The following ANKRD30BL variants were observed in gnomAD, a reference collection of about 807,000 sequenced individuals.
ANKRD30BL encodes ankyrin repeat domain 30B like.
Under a neutral mutation model 18.4 loss-of-function variants are expected in ANKRD30BL, and 20 were observed. That is an observed-to-expected ratio of 1.09 (90% CI 0.77 to 1.58). The LOEUF (loss-of-function observed/expected upper bound fraction) is 1.58, where lower values mean the gene tolerates loss of function less well. Among genes scored for constraint, ANKRD30BL ranks in the 40% most tolerant of loss-of-function variants. The pLI is 0.00. For synonymous variants in ANKRD30BL, 72 were observed against 100.9 expected (o/e 0.71, Z 1.72); for missense variants, 224 against 268.6 (o/e 0.83, Z 1.16).
At chr2:132,198,228 T>TC (rs1171218931) in intron 1 of ANKRD30BL, among the ~76,000 whole-genome samples, 1 of 151,446 alleles carries the variant, frequency 6.6e-6, no homozygotes, top group Non-Finnish European at 1.5e-5. Flanking sequence ...GCTTAGTCTC[T>TC]CTTTTTCTCT....
At chr2:132,214,434 C>T (rs1679437382) in intron 1 of ANKRD30BL, among the ~76,000 whole-genome samples, 1 of 151,954 alleles carries the variant, frequency 6.6e-6, no homozygotes. Flanking sequence ...TGGAAACACT[C>T]TTTTTGTAGA....
chr2:132,239,629 C>T lies in ANKRD30BL; in HGVS notation n.441+17900G>A, dbSNP rs536987440. On this transcript the variant is annotated intron_variant and non_coding_transcript_variant, in intron 1 of 4. Coordinates refer to the ANKRD30BL transcript ENST00000470729. ...ATAGCTTTGAGAATTTCGTTAGAAACGGGATTATCTTCACATAAAAACTAG... is the reference window on the plus strand; with the variant it reads ...ATAGCTTTGAGAATTTCGTTAGAAATGGGATTATCTTCACATAAAAACTAG... 2.8e-3 allele frequency among the ~76,000 whole-genome samples: 421 copies of T among 151,542 alleles called. 1 individual carries two copies. Among genetic ancestry groups the T allele is most frequent in the African/African-American group, 9.2e-3 (380 of 41,418 alleles).
chr2:132,162,983 C>T (rs1341418554), upstream of ANKRD30BL, among the ~76,000 whole-genome samples: 3 of 152,306 alleles, frequency 2.0e-5, no homozygotes, highest in Admixed American at 2.0e-4. Flanking sequence ...TGAGAGCGCC[C>T]GCTGCCAGGC....
At chr2:132,196,449 G>A (rs529866584) in intron 1 of ANKRD30BL, among the ~76,000 whole-genome samples, 16,807 of 150,832 alleles carry the variant, frequency 0.11, 3,075 homozygotes, top group African/African-American at 0.38. Flanking sequence ...GACTCTGGGG[G>A]AAAAAAAAAG....
intron 1 of ANKRD30BL, among the ~76,000 whole-genome samples, chr2:132,222,712 G>A (rs1312370623): frequency 6.6e-6 from 1 of 151,544 alleles, no homozygotes; most frequent in African/African-American, 2.4e-5. Context: ...AGGCCGCAGG[G>A]TCCTCTGCCT....
At chr2:132,222,368 A>T (rs977178058) in intron 1 of ANKRD30BL, among the ~76,000 whole-genome samples, 2 of 152,136 alleles carry the variant, frequency 1.3e-5, no homozygotes, top group Non-Finnish European at 2.9e-5. Context: ...GGCCATGATG[A>T]CAATGGCGGT....
chr2:132,167,190 A>C (rs960155505), intron 1 of ANKRD30BL, among the ~76,000 whole-genome samples: 1 of 151,732 alleles, frequency 6.6e-6, no homozygotes, highest in Non-Finnish European at 1.5e-5. Flanking sequence ...ATGGCCCATA[A>C]TGCAGTGTGT....
chr2:132,229,918 G>A (rs1011635116), intron 1 of ANKRD30BL, among the ~76,000 whole-genome samples: 5 of 151,984 alleles, frequency 3.3e-5, no homozygotes, highest in African/African-American at 1.2e-4. Context: ...ATCTGCAAGT[G>A]GATATTTGGA....
intron 1 of ANKRD30BL, among the ~76,000 whole-genome samples, chr2:132,168,908 AAC>A (rs1438503311): frequency 4.2e-4 from 61 of 144,490 alleles, no homozygotes; most frequent in African/African-American, 1.4e-3. Flanking sequence ...AAGAAAAAAA[AAC>A]ATTTGTACAG....
intron 1 of ANKRD30BL, among the ~76,000 whole-genome samples, chr2:132,234,866 A>G (rs201002680): frequency 3.9e-5 from 6 of 152,096 alleles, no homozygotes; most frequent in Non-Finnish European, 7.4e-5. Flanking sequence ...TACCAAAGCC[A>G]GGCAGAGACA....
chr2:132,161,721 C>G lies in ANKRD30BL; in HGVS notation c.-16G>C. 7.9e-7 allele frequency: 1 copy of G among 1,271,526 alleles called. No individual in the cohort carries two copies. Among genetic ancestry groups the G allele is most frequent in the South Asian group, 1.3e-5 (1 of 78,336 alleles). The allele number at this position is 1,271,526 out of a possible 1,614,324, so 78.8% of individuals were successfully genotyped here. A position where few individuals can be genotyped will look rare whatever the true frequency, so the allele number is the denominator to read the frequency against. On this transcript the variant is annotated 5_prime_UTR_variant, in exon 1 of 6. Transcript: ENST00000409867. ...GCCTCTCCATGGCTGCAGCCACCTG[C>G]TAGAGAGAGCCCGTGCCTCCCGCTG...
intron 1 of ANKRD30BL, among the ~76,000 whole-genome samples, chr2:132,240,539 G>T (rs1680287536): frequency 1.3e-5 from 2 of 151,742 alleles, no homozygotes; most frequent in Admixed American, 1.3e-4. Flanking sequence ...CTTTTGATGG[G>T]TGTACTCAAC....
In ANKRD30BL at chr2:132,161,773, C is replaced by T. The variant is rs553214738; in HGVS notation, c.-68G>A. ...TCGCCCTTCCCCAGTCCCCGCCGCT[C>T]GCCCTCGCCCTTCTTCAGTCCCTGC... On this transcript the variant is annotated 5_prime_UTR_variant, in exon 1 of 6. Transcript: ENST00000409867. 2.1e-5 allele frequency: 15 copies of T among 731,074 alleles called. No individual in the cohort carries two copies. The South Asian group carries it at 2.6e-4, about 12-fold the overall frequency. The allele number at this position is 731,074 out of a possible 1,614,324, so 45.3% of individuals were successfully genotyped here.
intron 1 of ANKRD30BL, among the ~76,000 whole-genome samples, chr2:132,252,118 A>G (rs369587631): frequency 1.4e-5 from 2 of 147,014 alleles, no homozygotes; most frequent in African/African-American, 2.8e-5. Context: ...TTTTATTAAA[A>G]CTGTATTTTT....
intron 1 of ANKRD30BL, among the ~76,000 whole-genome samples, chr2:132,194,429 A>G (rs1290972388): frequency 6.6e-6 from 1 of 152,236 alleles, no homozygotes; most frequent in African/African-American, 2.4e-5. Flanking sequence ...AAGCACTTCT[A>G]CACTTGTGCA....
chr2:132,211,253 G>C (rs62164428), intron 1 of ANKRD30BL, among the ~76,000 whole-genome samples: 8 of 151,918 alleles, frequency 5.3e-5, no homozygotes, highest in African/African-American at 1.9e-4. Context: ...GAAGCATTCT[G>C]AGAAACTTCT....
At chr2:132,254,387 C>T (rs755315904) in intron 1 of ANKRD30BL, among the ~76,000 whole-genome samples, 4 of 152,224 alleles carry the variant, frequency 2.6e-5, no homozygotes, top group South Asian at 2.1e-4. Flanking sequence ...AACTTTGTTA[C>T]GACTTTTACT....
intron 1 of ANKRD30BL, among the ~76,000 whole-genome samples, chr2:132,173,628 C>T (rs1573815635): frequency 6.6e-6 from 1 of 151,946 alleles, no homozygotes; most frequent in Non-Finnish European, 1.5e-5. Flanking sequence ...CTTATTCTAA[C>T]ATTTCTTGTT....
chr2:132,171,415 G>T (rs1384192734), intron 1 of ANKRD30BL, among the ~76,000 whole-genome samples: 1 of 152,068 alleles, frequency 6.6e-6, no homozygotes. Context: ...GATGCTATGC[G>T]ATTATGTGAT....
Sources: allele counts gnomAD v4.1 joint callset (sites outside exome capture counted in the v4.1 genomes callset), GRCh38; gene constraint gnomAD v4.1.1; transcripts MANE v1.5; gene names NCBI Gene and HGNC (gene_info 2026-07-23, HGNC 2026-07-21).